The following KIF18A variants were observed in gnomAD, a reference collection of about 807,000 sequenced individuals.
KIF18A encodes the protein kinesin-like protein KIF18A.
KIF18A carries 67 observed loss-of-function variants against 103.3 expected under a neutral mutation model. That is an observed-to-expected ratio of 0.65 (90% CI 0.53 to 0.79). The LOEUF is 0.79. Ranked by LOEUF, KIF18A falls within the 30% of genes least tolerant of loss-of-function variation. The pLI is 0.00. For missense variants in KIF18A, 1,032 were observed against 1,062.5 expected, an observed-to-expected ratio of 0.97 and a Z score of 0.40; for synonymous variants, 367 against 355.5, an observed-to-expected ratio of 1.03 and a Z score of -0.36.
chr11:28,040,653 C>T (rs192459649), intron 13 of KIF18A, among the ~76,000 whole-genome samples: 28 of 151,770 alleles, frequency 1.8e-4, no homozygotes, highest in Non-Finnish European at 3.5e-4. Context: ...TTATAAGGCA[C>T]GCTCTTGCAA....
At chr11:28,038,720 A>G (rs1392712044) in intron 13 of KIF18A, among the ~76,000 whole-genome samples, 1 of 151,672 alleles carries the variant, frequency 6.6e-6, no homozygotes, top group Non-Finnish European at 1.5e-5. Flanking sequence ...TAGGAAATAA[A>G]ATTCAAAAAC....
At chr11:28,088,262 C>T (rs1851257040) in intron 6 of KIF18A, among the ~76,000 whole-genome samples, 2 of 151,888 alleles carry the variant, frequency 1.3e-5, no homozygotes, top group Admixed American at 1.3e-4. Flanking sequence ...TGAGAATGTA[C>T]CATAAAATAT....
At chr11:28,079,839 G>A (rs947994504) in intron 9 of KIF18A, among the ~76,000 whole-genome samples, 7 of 152,026 alleles carry the variant, frequency 4.6e-5, no homozygotes, top group African/African-American at 1.7e-4. Context: ...TCTTGATCCA[G>A]TGTCTCAATG....
chr11:28,042,988 A>G (rs998293774), intron 13 of KIF18A, among the ~76,000 whole-genome samples: 8 of 151,892 alleles, frequency 5.3e-5, no homozygotes, highest in African/African-American at 1.9e-4. Flanking sequence ...CAAGGAGTTA[A>G]GTAAAAGACA....
intron 15 of KIF18A, among the ~76,000 whole-genome samples, chr11:28,031,706 G>A (rs528258524): frequency 1.3e-5 from 2 of 150,742 alleles, no homozygotes; most frequent in Admixed American, 1.3e-4. Context: ...TCAAAAAACT[G>A]GGTATAGAAG....
At chr11:28,080,080 G>T (rs1053129370) in intron 9 of KIF18A, among the ~76,000 whole-genome samples, 1 of 152,044 alleles carries the variant, frequency 6.6e-6, no homozygotes, top group Non-Finnish European at 1.5e-5. Context: ...GAATAGAGTA[G>T]ATTTACATGA....
At chr11:28,091,580 C>T (rs1057466464) in intron 3 of KIF18A, 67 bp from the exon 4 acceptor site, 6 of 740,226 alleles carry the variant, frequency 8.1e-6, no homozygotes, top group Non-Finnish European at 1.1e-5. Flanking sequence ...ATCACACATA[C>T]ACTGCTAATT....
chr11:28,048,521 T>C (rs531729318), intron 13 of KIF18A, among the ~76,000 whole-genome samples: 1 of 152,224 alleles, frequency 6.6e-6, no homozygotes, highest in East Asian at 1.9e-4. Context: ...TCCACTGTTC[T>C]TGTTTTAAAA....
In KIF18A at chr11:28,023,838, G is replaced by A. The variant is rs759776183; in HGVS notation, c.2517C>T (p.Asn839=). The A allele has an allele frequency of 6.2e-7, 1 of 1,605,998 alleles. No individual in the cohort carries two copies. Among genetic ancestry groups the A allele is most frequent in the Non-Finnish European group, 8.5e-7 (1 of 1,174,096 alleles). Residue 839 remains asparagine, a synonymous_variant, in exon 16 of 17, where the codon AAC becomes AAT. Transcript: ENST00000263181. ...RKRKLTSSTS[N]SSLTADVNSG... is the part of the protein sequence containing the mutation. ...AATTTACGTCTGCAGTTAACGAACT[G>A]TTTGATGTAGAACTTGAGAGGAAAA... is the stretch of plus-strand genomic sequence containing the variant.
chr11:28,096,564 G>T (rs1183898017), intron 2 of KIF18A, among the ~76,000 whole-genome samples: 2 of 152,064 alleles, frequency 1.3e-5, no homozygotes, highest in Non-Finnish European at 2.9e-5. Flanking sequence ...TTAGAGTTAA[G>T]AAGATTTCAA....
At chr11:28,054,267 A>G (rs1025819894) in intron 13 of KIF18A, among the ~76,000 whole-genome samples, 2 of 151,370 alleles carry the variant, frequency 1.3e-5, no homozygotes, top group Non-Finnish European at 2.9e-5. Context: ...CTGAAGTGCA[A>G]TGGTGCAATC....
In KIF18A at chr11:28,035,383, A is replaced by T; in HGVS notation, c.2504+4T>A. The T allele has an allele frequency of 1.3e-6, 2 of 1,554,892 alleles. No individual in the cohort carries two copies. The highest frequency in any genetic ancestry group is 1.8e-6 in the Non-Finnish European group (2 of 1,132,616). ...GAACCAAACCAGTTTATGTTTAATC[A>T]TACCTTGTTAATTTCCGTTTCCTTT... On this transcript the variant is annotated splice_donor_region_variant and intron_variant, in intron 15 of 16. Coordinates refer to ENST00000263181, the MANE Select transcript of KIF18A (RefSeq NM_031217.4).
intron 13 of KIF18A, among the ~76,000 whole-genome samples, chr11:28,040,385 G>GT (rs2133500515): frequency 6.6e-6 from 1 of 151,796 alleles, no homozygotes; most frequent in African/African-American, 2.4e-5. Context: ...GACAGTTGTA[G>GT]TTTCCCCTGA....
At chr11:28,081,250 C>T (rs1161028467) in intron 9 of KIF18A, among the ~76,000 whole-genome samples, 1 of 152,142 alleles carries the variant, frequency 6.6e-6, no homozygotes, top group African/African-American at 2.4e-5. Flanking sequence ...CACTAAACAA[C>T]AGATTTTCAA....
intron 13 of KIF18A, among the ~76,000 whole-genome samples, chr11:28,053,087 GGAGA>G (rs33937264): frequency 0.46 from 70,292 of 151,708 alleles, 17,766 homozygotes; most frequent in Admixed American, 0.56. Context: ...GACAAAAGTG[GGAGA>G]GAGTGTCCAA....
Position 28,036,567 on chromosome 11 carries a change from T to TAG in KIF18A, c.2044_2045dup (p.Lys683Ter). On this transcript the variant is annotated frameshift_variant, in exon 14 of 17. Coordinates refer to ENST00000263181, the MANE Select transcript of KIF18A (RefSeq NM_031217.4). LOFTEE classifies it high-confidence loss of function. ...GCACACTTTGAGATGGTGGAGACTTTAGAGTATGCTGTCCTTTCAAGGGAG... is the reference window on the plus strand; with the variant it reads ...GCACACTTTGAGATGGTGGAGACTTTAGAGAGTATGCTGTCCTTTCAAGGGAG... 1 of 1,610,966 alleles carries TAG rather than the reference T, an allele frequency of 6.2e-7. No individual in the cohort carries two copies. Among genetic ancestry groups the TAG allele is most frequent in the Non-Finnish European group, 8.5e-7 (1 of 1,178,002 alleles).
At chr11:28,049,299 T>C (rs545313190) in intron 13 of KIF18A, among the ~76,000 whole-genome samples, 6 of 152,128 alleles carry the variant, frequency 3.9e-5, no homozygotes, top group East Asian at 1.9e-4. Flanking sequence ...AGATGGTTCC[T>C]TTACATAAAA....
chr11:28,029,880 C>G, intron 15 of KIF18A, among the ~76,000 whole-genome samples: 1 of 103,138 alleles, frequency 9.7e-6, no homozygotes, highest in Non-Finnish European at 2.0e-5. Flanking sequence ...TTCTTATACA[C>G]CAATAACAGA....
intron 9 of KIF18A, among the ~76,000 whole-genome samples, chr11:28,081,695 T>C (rs1237661307): frequency 2.6e-5 from 4 of 152,188 alleles, no homozygotes; most frequent in Non-Finnish European, 5.9e-5. Flanking sequence ...CTGCAGCTCA[T>C]GGATCATGCA....
Sources: gnomAD v4.1 joint callset for allele counts (sites outside exome capture counted in the v4.1 genomes callset) on GRCh38, gnomAD v4.1.1 for gene constraint, MANE v1.5 for transcripts, NCBI Gene and HGNC (gene_info 2026-07-23, HGNC 2026-07-21) for gene names.